Variants in ADAP1 observed in about 807,000 individuals in gnomAD.
The protein encoded by ADAP1 is arf-GAP with dual PH domain-containing protein 1.
ADAP1 carries 31 observed loss-of-function variants against 54.9 expected under a neutral mutation model. The observed-to-expected ratio is 0.56, with a 90% CI of 0.42 to 0.76. ADAP1 has a LOEUF of 0.76. ADAP1 is among the 30% of genes least tolerant of loss of function. The probability of loss-of-function intolerance (pLI) is 0.00; values close to 1 mark genes in which losing one functional copy is unlikely to be tolerated. For synonymous variants in ADAP1, 313 were observed against 202.6 expected, an observed-to-expected ratio of 1.55 and a Z score of -4.63; for missense variants, 535 against 512.4, an observed-to-expected ratio of 1.04 and a Z score of -0.42.
At chr7:934,974 G>C (rs753806376) in intron 2 of ADAP1, among the ~76,000 whole-genome samples, 33 of 152,230 alleles carry the variant, frequency 2.2e-4, no homozygotes, top group East Asian at 1.5e-3. Context: ...ATGCGACCCT[G>C]ACTCTGGGTC....
intron 1 of ADAP1, among the ~76,000 whole-genome samples, chr7:948,351 A>G (rs568898195): frequency 2.2e-4 from 34 of 151,834 alleles, no homozygotes; most frequent in Non-Finnish European, 4.0e-4. Flanking sequence ...TGAATGGAAC[A>G]CGCCCTGCAG....
At position 898,754 on chromosome 7, in the gene ADAP1, A is replaced by T; in HGVS notation, c.*167T>A. Reference sequence around the variant, plus strand: ...CCTGGGCTGCCTGCCTTGAGGTTCCAGAGAAGCATCCTGGAAGCTGAAGCT... The same window carrying T: ...CCTGGGCTGCCTGCCTTGAGGTTCCTGAGAAGCATCCTGGAAGCTGAAGCT... On this transcript the variant is annotated 3_prime_UTR_variant, in exon 11 of 11. Coordinates refer to ENST00000265846, the MANE Select transcript of ADAP1 (RefSeq NM_006869.4). 1 of 862,474 alleles carries T rather than the reference A, an allele frequency of 1.2e-6. No homozygotes were observed. Among genetic ancestry groups the T allele is most frequent in the Non-Finnish European group, 1.8e-6 (1 of 555,908 alleles). 53.4% of individuals were successfully genotyped at this position (862,474 alleles called of 1,614,324 possible).
rs186075448 is a variant in ADAP1, at chr7:903,667, C to T, written c.648+459G>A. 4.9e-3 allele frequency among the ~76,000 whole-genome samples: 744 copies of T among 151,842 alleles called. 8 individuals carry two copies. The highest frequency in any genetic ancestry group is 0.017 in the African/African-American group (694 of 41,274). ...AGATGCGGGGTACACCCACCCTCCC[C>T]GCCGCCACACCAAGGGCAGCCAAAG... On this transcript the variant is annotated intron_variant, in intron 6 of 10. Coordinates refer to ENST00000265846, the MANE Select transcript of ADAP1 (RefSeq NM_006869.4).
chr7:955,387 G>A, upstream of ADAP1: 2 of 1,550,104 alleles, frequency 1.3e-6, no homozygotes, highest in South Asian at 1.2e-5. Context: ...AGTACACCCG[G>A]CTGAAAACAA....
Position 945,905 on chromosome 7 carries a change from G to T in ADAP1, c.82+8491C>A. 1 of 865,518 alleles carries T rather than the reference G, an allele frequency of 1.2e-6. No homozygotes were observed. Among genetic ancestry groups the T allele is most frequent in the Non-Finnish European group, 1.4e-6 (1 of 720,504 alleles). 53.6% of individuals were successfully genotyped at this position (865,518 alleles called of 1,614,324 possible). On this transcript the variant is annotated intron_variant, in intron 1 of 10. Transcript: ENST00000265846. This position sits in a 1 kb window ranked among gnomAD's most constrained non-coding sequence, Gnocchi z 4.2. ...AGCCAAGGCCCAGGCTGGGGCACGG[G>T]CAGGGGGAAGGGCAGTAGCCAAGCC...
At chr7:952,923 C>T (rs1847305456) in intron 1 of ADAP1, among the ~76,000 whole-genome samples, 1 of 152,120 alleles carries the variant, frequency 6.6e-6, no homozygotes, top group Admixed American at 6.5e-5. Context: ...CTGAAGGACC[C>T]AGCAGGCCAA....
At chr7:905,736 GGAAAGGAGAAGGGAGAAGGGAGAAGGGA>G (rs1562912795) in intron 4 of ADAP1, 6 of 6,552 alleles carry the variant, frequency 9.2e-4, no homozygotes, top group Non-Finnish European at 1.2e-3. Context: ...AAGGAGAAAG[GGAAAGGAGAAGGGAGAAGGGAGAAGGGA>G]GAAAGGAGAA....
chr7:953,053 C>T (rs779479253), intron 1 of ADAP1, among the ~76,000 whole-genome samples: 8 of 152,046 alleles, frequency 5.3e-5, no homozygotes, highest in Non-Finnish European at 1.2e-4. Flanking sequence ...CAGAGGCAAG[C>T]CCAGCTCCCC....
At position 898,812 on chromosome 7, in the gene ADAP1, A is replaced by AGGAGCAGGTG. The variant is rs1844632038; in HGVS notation, c.*99_*108dup. The AGGAGCAGGTG allele has an allele frequency of 5.2e-5, 76 of 1,467,114 alleles. No homozygotes were observed. The highest frequency in any genetic ancestry group is 7.0e-5 in the Non-Finnish European group (76 of 1,081,946). 90.9% of individuals were successfully genotyped at this position (1,467,114 alleles called of 1,614,324 possible). A position where few individuals can be genotyped will look rare whatever the true frequency, so the allele number is the denominator to read the frequency against. On this transcript the variant is annotated 3_prime_UTR_variant, in exon 11 of 11. Transcript: ENST00000265846. ...TACCTGGCCGCGCCGGGCTGCCCTGAGGAGCAGGTGGGGCCAGGTGGCCTC... is the reference window on the plus strand; with the variant it reads ...TACCTGGCCGCGCCGGGCTGCCCTGAGGAGCAGGTGGGAGCAGGTGGGGCCAGGTGGCCTC...
intron 3 of ADAP1, among the ~76,000 whole-genome samples, chr7:921,094 T>C (rs2128105307): frequency 6.6e-6 from 1 of 152,234 alleles, no homozygotes; most frequent in South Asian, 2.1e-4. Context: ...AACAGAAATG[T>C]ATCATCTCGG....
intron 1 of ADAP1, among the ~76,000 whole-genome samples, chr7:950,336 C>T (rs971219715): frequency 6.6e-6 from 1 of 151,920 alleles, no homozygotes; most frequent in Non-Finnish European, 1.5e-5. Context: ...ATACAGAAAA[C>T]TTAGCCGGGC....
chr7:935,655 G>A, intron 1 of ADAP1, 150 bp from the exon 2 acceptor site: 1 of 1,001,642 alleles, frequency 1.0e-6, no homozygotes, highest in Non-Finnish European at 1.4e-6. Context: ...GCGCCCCACA[G>A]GCACCTAACC....
chr7:951,913 G>A (rs562020089), intron 1 of ADAP1, among the ~76,000 whole-genome samples: 306 of 152,188 alleles, frequency 2.0e-3, no homozygotes, highest in African/African-American at 7.2e-3. Context: ...GCGATCCTCC[G>A]GCCTCGGCCT....
At position 926,381 on chromosome 7, in the gene ADAP1, G is replaced by A. The variant is rs562753171; in HGVS notation, c.305+172C>T. 5.4e-5 allele frequency among the ~76,000 whole-genome samples: 8 copies of A among 148,180 alleles called. No homozygotes were observed. The highest frequency in any genetic ancestry group is 5.4e-4 in the Admixed American group (8 of 14,944). Reference sequence around the variant, plus strand: ...CCCCGCCCCAGAACCAAAGCCCGGTGGTGGCCAGCAGACACAGGCGGCACC... The same window carrying A: ...CCCCGCCCCAGAACCAAAGCCCGGTAGTGGCCAGCAGACACAGGCGGCACC... On this transcript the variant is annotated intron_variant, in intron 3 of 10. Transcript: ENST00000265846. This position sits in a 1 kb window ranked among gnomAD's most constrained non-coding sequence, Gnocchi z 4.6.
At position 905,299 on chromosome 7, in the gene ADAP1, A is replaced by AGACGGACG. The variant is rs1845073853; in HGVS notation, c.389-128_389-127insCGTCCGTC. 8 of 172,696 alleles carry AGACGGACG rather than the reference A, an allele frequency of 4.6e-5. 1 individual carries two copies. Among genetic ancestry groups the AGACGGACG allele is most frequent in the African/African-American group, 3.6e-4 (4 of 10,964 alleles). The allele number at this position is 172,696 out of a possible 1,614,324, so 10.7% of individuals were successfully genotyped here. ...GGGGACACGGACGGGGGACACGGAC[A>AGACGGACG]GGGGGAGACGGACGGGGAGAGGGGA... On this transcript the variant is annotated intron_variant, in intron 4 of 10. Coordinates refer to ENST00000265846, the MANE Select transcript of ADAP1 (RefSeq NM_006869.4).
At position 920,055 on chromosome 7, in the gene ADAP1, G is replaced by C. The variant is rs6962883; in HGVS notation, c.306-5C>G. The C allele has an allele frequency of 4.1e-5, 65 of 1,604,430 alleles. 1 individual carries two copies. In the Middle Eastern group the frequency reaches 2.7e-3, roughly 65 times the overall value. The stretch of plus-strand genomic sequence containing the variant: ...ATCCACTGCTCTCGAAGGAGCCTGT[G>C]GGGAGAGGAGAGACTGAGCCACTGG... On this transcript the variant is annotated splice_region_variant and splice_polypyrimidine_tract_variant and intron_variant, in intron 3 of 10. Transcript: ENST00000265846. The surrounding 1 kb of genome is among the most constrained non-coding windows in gnomAD (Gnocchi z 4.5).
Position 898,218 on chromosome 7 carries a change from G to A in ADAP1, c.*703C>T, listed in dbSNP as rs1009248857. 1 of 153,172 alleles carries A rather than the reference G, an allele frequency of 6.5e-6. No individual in the cohort carries two copies. Among genetic ancestry groups the A allele is most frequent in the Non-Finnish European group, 1.5e-5 (1 of 68,734 alleles). 9.5% of individuals were successfully genotyped at this position (153,172 alleles called of 1,614,324 possible). A position where few individuals can be genotyped will look rare whatever the true frequency, so the allele number is the denominator to read the frequency against. ...GACCCCCAGGGCCACTCCTGCCTCT[G>A]GTGGCCTCACCGCGGCCCAGGCCCT... On this transcript the variant is annotated 3_prime_UTR_variant, in exon 11 of 11. Coordinates refer to ENST00000265846, the MANE Select transcript of ADAP1 (RefSeq NM_006869.4).
chr7:906,180 G>T (rs202133552), intron 4 of ADAP1, among the ~76,000 whole-genome samples: 136 of 38,266 alleles, frequency 3.6e-3, no homozygotes, highest in Non-Finnish European at 7.9e-3. Flanking sequence ...AGGAGAAAGG[G>T]AAAGGAGAAA....
intron 3 of ADAP1, among the ~76,000 whole-genome samples, chr7:924,197 C>T (rs1345163382): frequency 4.4e-5 from 4 of 89,988 alleles, no homozygotes; most frequent in African/African-American, 4.6e-5. Context: ...CAGCAGTTCA[C>T]GCTGCACCCC....
Sources: gnomAD v4.1 joint callset for allele counts (sites outside exome capture counted in the v4.1 genomes callset) on GRCh38, gnomAD v4.1.1 for gene constraint, Gnocchi (gnomAD v3.1) non-coding constraint, MANE v1.5 for transcripts, NCBI Gene and HGNC (gene_info 2026-07-23, HGNC 2026-07-21) for gene names.